The following MIPOL1 variants were observed in gnomAD, a reference collection of about 807,000 sequenced individuals.
MIPOL1 encodes mirror-image polydactyly gene 1 protein.
A neutral mutation model predicts 60.9 loss-of-function variants in MIPOL1; 57 were observed. The ratio of observed to expected loss-of-function variants is 0.94; its 90% CI spans 0.76 to 1.17. MIPOL1 has a LOEUF of 1.17. MIPOL1 is among the 50% of genes most tolerant of loss of function. The probability of loss-of-function intolerance (pLI) is 0.00; values close to 1 mark genes in which losing one functional copy is unlikely to be tolerated. For synonymous variants in MIPOL1, 179 were observed against 168.8 expected (o/e 1.06, Z -0.47); for missense variants, 551 against 511.6 (o/e 1.08, Z -0.74).
intron 6 of MIPOL1, among the ~76,000 whole-genome samples, chr14:37,282,082 A>G (rs1283450217): frequency 1.3e-5 from 2 of 152,046 alleles, no homozygotes; most frequent in Non-Finnish European, 1.5e-5. Flanking sequence ...TTTTCTCTTG[A>G]TCACACAGGA....
intron 11 of MIPOL1, among the ~76,000 whole-genome samples, chr14:37,488,844 G>C (rs1193960128): frequency 6.6e-6 from 1 of 152,130 alleles, no homozygotes; most frequent in African/African-American, 2.4e-5. Context: ...TGGGTAACCT[G>C]ACCTTTCTCT....
chr14:37,220,906 G>T (rs1296618448), intron 1 of MIPOL1, among the ~76,000 whole-genome samples: 1 of 152,042 alleles, frequency 6.6e-6, no homozygotes, highest in East Asian at 1.9e-4. Flanking sequence ...CTCCTCAGTA[G>T]CTAGGAATAC....
At chr14:37,303,738 G>A (rs1268366337) in intron 7 of MIPOL1, among the ~76,000 whole-genome samples, 1 of 151,732 alleles carries the variant, frequency 6.6e-6, no homozygotes, top group African/African-American at 2.4e-5. Context: ...ACTGTGTCAG[G>A]TACAGTGCTA....
At chr14:37,345,259 AT>A (rs33932657) in intron 9 of MIPOL1, among the ~76,000 whole-genome samples, 146,982 of 152,012 alleles carry the variant, frequency 0.97, 71,094 homozygotes, top group East Asian at 1. Context: ...GCACGCCACA[AT>A]GTCTGGCTAA....
chr14:37,476,325 TG>T (rs1473226878), intron 11 of MIPOL1, among the ~76,000 whole-genome samples: 11 of 152,234 alleles, frequency 7.2e-5, no homozygotes, highest in Admixed American at 2.6e-4. Context: ...TGGTCTGGAA[TG>T]TTTTTTTTCA....
At position 37,351,056 on chromosome 14, in the gene MIPOL1, C is replaced by G. The variant is rs1244793196; in HGVS notation, c.829-18461C>G. ...TATATCTCCCAATGCTATCCCTCCCCCCTCCCCCCACCCCACAACGGTCCC... is the reference window on the plus strand; with the variant it reads ...TATATCTCCCAATGCTATCCCTCCCGCCTCCCCCCACCCCACAACGGTCCC... On this transcript the variant is annotated intron_variant, in intron 9 of 12. Transcript: ENST00000684589. Among the ~76,000 whole-genome samples the G allele has an allele frequency of 5.6e-4, 25 of 44,344 alleles. 1 individual carries two copies. The highest frequency in any genetic ancestry group is 2.3e-3 in the African/African-American group (25 of 10,970). The allele number at this position is 44,344 out of a possible 152,430, so 29.1% of individuals were successfully genotyped here.
chr14:37,336,103 TGG>T (rs1165441017), intron 9 of MIPOL1, among the ~76,000 whole-genome samples: 1 of 73,246 alleles, frequency 1.4e-5, no homozygotes, highest in Non-Finnish European at 2.4e-5. Flanking sequence ...TCCAAATTCA[TGG>T]TTTTTTTTTT....
chr14:37,470,493 CCT>C (rs984634631), intron 11 of MIPOL1, among the ~76,000 whole-genome samples: 2 of 151,930 alleles, frequency 1.3e-5, no homozygotes, highest in Non-Finnish European at 2.9e-5. Flanking sequence ...ACCTCCTCTT[CCT>C]CTCTCTCTCC....
chr14:37,518,205 T>G (rs575640784), intron 12 of MIPOL1, among the ~76,000 whole-genome samples: 4 of 152,302 alleles, frequency 2.6e-5, no homozygotes, highest in African/African-American at 9.6e-5. Flanking sequence ...TGAAATGATT[T>G]TATGTATATT....
intron 10 of MIPOL1, among the ~76,000 whole-genome samples, chr14:37,380,927 C>T (rs1232817058): frequency 6.6e-6 from 1 of 152,068 alleles, no homozygotes. Flanking sequence ...TTGGATAGAT[C>T]CTGGAATGCT....
chr14:37,328,724 G>A (rs2089418647), intron 9 of MIPOL1, among the ~76,000 whole-genome samples: 1 of 152,150 alleles, frequency 6.6e-6, no homozygotes, highest in Non-Finnish European at 1.5e-5. Context: ...TGAGATAGCA[G>A]AAACTTCAAA....
At chr14:37,234,798 C>T (rs1200452190) in intron 1 of MIPOL1, among the ~76,000 whole-genome samples, 4 of 150,040 alleles carry the variant, frequency 2.7e-5, no homozygotes, top group African/African-American at 7.4e-5. Context: ...TTTTTTGAAA[C>T]GGAGTCTCAC....
intron 7 of MIPOL1, among the ~76,000 whole-genome samples, chr14:37,294,679 G>A (rs1416202758): frequency 1.3e-5 from 2 of 152,150 alleles, no homozygotes; most frequent in African/African-American, 2.4e-5. Context: ...CTCAGTAACC[G>A]ATGCGATCAA....
chr14:37,451,175 C>G (rs1326125846), intron 11 of MIPOL1, among the ~76,000 whole-genome samples: 1 of 152,108 alleles, frequency 6.6e-6, no homozygotes, highest in Non-Finnish European at 1.5e-5. Context: ...ACACCTCTTC[C>G]CAAGGGCAAT....
At position 37,296,599 on chromosome 14, in the gene MIPOL1, A is replaced by G. The variant is rs566310713; in HGVS notation, c.623+11152A>G. ...GAAAAGAGAGAAGAATCAAATAGAC[A>G]CAATAAAAAATGGCAAAGGGGATAT... On this transcript the variant is annotated intron_variant, in intron 7 of 12. Coordinates refer to ENST00000684589, the MANE Select transcript of MIPOL1 (RefSeq NM_001388067.1). Among the ~76,000 whole-genome samples, 406 of 152,246 alleles carry G rather than the reference A, an allele frequency of 2.7e-3. 1 individual carries two copies. The highest frequency in any genetic ancestry group is 4.8e-3 in the Non-Finnish European group (326 of 68,016).
intron 5 of MIPOL1, among the ~76,000 whole-genome samples, chr14:37,269,061 A>C (rs918620317): frequency 5.3e-5 from 8 of 152,148 alleles, no homozygotes; most frequent in Admixed American, 1.3e-4. Flanking sequence ...TCTTTAAAAA[A>C]AAAGATTCAA....
chr14:37,260,384 A>G (rs1329075325), intron 3 of MIPOL1, among the ~76,000 whole-genome samples: 2 of 152,162 alleles, frequency 1.3e-5, no homozygotes, highest in African/African-American at 2.4e-5. Context: ...CTTACAGTCT[A>G]GAAAGGGAGA....
chr14:37,517,352 A>G (rs929706200), intron 12 of MIPOL1, among the ~76,000 whole-genome samples: 1 of 152,204 alleles, frequency 6.6e-6, no homozygotes, highest in South Asian at 2.1e-4. Flanking sequence ...AGCCTCAGAA[A>G]CTATATAAGA....
intron 10 of MIPOL1, among the ~76,000 whole-genome samples, chr14:37,418,110 T>A (rs1381808309): frequency 6.6e-6 from 1 of 152,176 alleles, no homozygotes; most frequent in Non-Finnish European, 1.5e-5. Flanking sequence ...TGTTCTAAGA[T>A]AAAAACCAAT....
Sources: gnomAD v4.1 joint callset for allele counts (sites outside exome capture counted in the v4.1 genomes callset) on GRCh38, gnomAD v4.1.1 for gene constraint, MANE v1.5 for transcripts, NCBI Gene and HGNC (gene_info 2026-07-23, HGNC 2026-07-21) for gene names.